The following TMEM74 variants were observed in gnomAD, a reference collection of about 807,000 sequenced individuals.
TMEM74 encodes transmembrane protein 74.
TMEM74 carries 13 observed loss-of-function variants against 18.1 expected under a neutral mutation model. The ratio of observed to expected loss-of-function variants is 0.72; its 90% CI spans 0.47 to 1.14. The LOEUF (loss-of-function observed/expected upper bound fraction) is 1.14. Among genes scored for constraint, TMEM74 ranks in the 50% most tolerant of loss-of-function variants. TMEM74 has a pLI of 0.00. For missense variants in TMEM74, 372 were observed against 375.9 expected, an observed-to-expected ratio of 0.99 and a Z score of 0.09; for synonymous variants, 159 against 146.6, an observed-to-expected ratio of 1.08 and a Z score of -0.61.
At chr8:108,697,605 C>G (rs1413782954) in intron 1 of TMEM74, among the ~76,000 whole-genome samples, 1 of 152,000 alleles carries the variant, frequency 6.6e-6, no homozygotes, top group Non-Finnish European at 1.5e-5. Context: ...TTTGTAGAGA[C>G]AGAGTCTCAT....
Position 108,780,609 on chromosome 8 carries a change from C to G in TMEM74, c.*3572G>C, listed in dbSNP as rs560576363. On this transcript the variant is annotated 3_prime_UTR_variant, in exon 2 of 2. Transcript: ENST00000297459. The stretch of plus-strand genomic sequence containing the variant: ...TGTGCCAGCACTGGTCCAATTGGGT[C>G]CCTAAAACAAATAAGTATGAGGGGG... Among the ~76,000 whole-genome samples the G allele has an allele frequency of 3.2e-4, 48 of 152,180 alleles. No individual in the cohort carries two copies. The highest frequency in any genetic ancestry group is 1.2e-4 in the Non-Finnish European group (8 of 68,002).
intron 1 of TMEM74, among the ~76,000 whole-genome samples, chr8:108,721,740 C>A (rs1329746723): frequency 1.3e-5 from 2 of 152,194 alleles, no homozygotes; most frequent in Admixed American, 1.3e-4. Flanking sequence ...TTATCTTGTT[C>A]ACCGCTGTAT....
intron 1 of TMEM74, among the ~76,000 whole-genome samples, chr8:108,772,709 G>C (rs7007200): frequency 0.26 from 39,073 of 151,764 alleles, 5,508 homozygotes; most frequent in Middle Eastern, 0.33. Flanking sequence ...TTTTGTGTTA[G>C]ATCTGGGTGG....
intron 2 of TMEM74, among the ~76,000 whole-genome samples, chr8:108,611,435 A>T (rs1326573497): frequency 6.6e-6 from 1 of 152,224 alleles, no homozygotes; most frequent in Non-Finnish European, 1.5e-5. Flanking sequence ...CATACTAATT[A>T]TTCATCACAA....
At chr8:108,777,707 C>G (rs2129655320), downstream of TMEM74, among the ~76,000 whole-genome samples, 1 of 152,272 alleles carries the variant, frequency 6.6e-6, no homozygotes, top group East Asian at 1.9e-4. Context: ...TAATTCTTTT[C>G]CTACCGCTTA....
Position 108,782,158 on chromosome 8 carries a change from A to G in TMEM74, c.*2023T>C, listed in dbSNP as rs896869374. ...CAGATCGTTTCCTTCTTGTTTCAAC[A>G]TCATCCAAAGTGGATCCTTAAGCAG... is the stretch of plus-strand genomic sequence containing the variant. On this transcript the variant is annotated 3_prime_UTR_variant, in exon 2 of 2. Coordinates refer to ENST00000297459, the MANE Select transcript of TMEM74 (RefSeq NM_153015.3). Among the ~76,000 whole-genome samples the G allele has an allele frequency of 1.3e-5, 2 of 152,266 alleles. No individual in the cohort carries two copies. The highest frequency in any genetic ancestry group is 3.9e-4 in the East Asian group (2 of 5,182).
chr8:108,659,254 A>AACACACACACACACACAAACACAC (rs6150751), intron 1 of TMEM74, among the ~76,000 whole-genome samples: 3,092 of 149,642 alleles, frequency 0.021, 44 homozygotes, highest in Middle Eastern at 0.044. Context: ...ATAGCCCACT[A>AACACACACACACACACAAACACAC]ACACACACAC....
intron 1 of TMEM74, among the ~76,000 whole-genome samples, chr8:108,713,132 T>G (rs1190597103): frequency 6.6e-6 from 1 of 152,210 alleles, no homozygotes; most frequent in African/African-American, 2.4e-5. Flanking sequence ...ACTCTAGATT[T>G]GAACATCTAT....
At chr8:108,764,209 C>G (rs1451136044) in intron 1 of TMEM74, among the ~76,000 whole-genome samples, 1 of 152,058 alleles carries the variant, frequency 6.6e-6, no homozygotes, top group African/African-American at 2.4e-5. Flanking sequence ...AATGGCATAC[C>G]AACTGCAAGC....
intron 1 of TMEM74, among the ~76,000 whole-genome samples, chr8:108,734,007 G>A (rs193057825): frequency 2.7e-4 from 41 of 152,322 alleles, no homozygotes; most frequent in Middle Eastern, 3.4e-3. Flanking sequence ...ACTGGATTAA[G>A]GGATATCAAG....
At chr8:108,688,436 C>G (rs940479843) in intron 1 of TMEM74, among the ~76,000 whole-genome samples, 2 of 152,170 alleles carry the variant, frequency 1.3e-5, no homozygotes, top group Admixed American at 6.5e-5. Flanking sequence ...CAATCATACT[C>G]CCAGGCAGCT....
At chr8:108,726,569 A>T (rs2130635452) in intron 1 of TMEM74, among the ~76,000 whole-genome samples, 1 of 152,314 alleles carries the variant, frequency 6.6e-6, no homozygotes, top group South Asian at 2.1e-4. Flanking sequence ...GTGTAAAAAC[A>T]TTGCACCTGT....
At chr8:108,710,907 C>T (rs1482341928) in intron 1 of TMEM74, among the ~76,000 whole-genome samples, 1 of 152,172 alleles carries the variant, frequency 6.6e-6, no homozygotes, top group East Asian at 1.9e-4. Flanking sequence ...AATGATGAGC[C>T]TTCCCATGTT....
At chr8:108,645,081 T>C (rs554296409) in intron 2 of TMEM74, among the ~76,000 whole-genome samples, 61 of 152,166 alleles carry the variant, frequency 4.0e-4, no homozygotes, top group African/African-American at 1.3e-3. Flanking sequence ...ATTTTCACAA[T>C]AGCAAAGACT....
chr8:108,715,062 T>G (rs1040250504), intron 1 of TMEM74, among the ~76,000 whole-genome samples: 1 of 152,240 alleles, frequency 6.6e-6, no homozygotes, highest in Non-Finnish European at 1.5e-5. Flanking sequence ...TGTCAAAAGC[T>G]ACAGAGCTGT....
intron 2 of TMEM74, among the ~76,000 whole-genome samples, chr8:108,654,118 A>T (rs1340708641): frequency 1.3e-5 from 2 of 152,204 alleles, no homozygotes; most frequent in East Asian, 3.9e-4. Flanking sequence ...TTATTTATTT[A>T]TTTTTTATTT....
chr8:108,740,874 C>T (rs1460235238), intron 1 of TMEM74, among the ~76,000 whole-genome samples: 1 of 152,136 alleles, frequency 6.6e-6, no homozygotes, highest in Non-Finnish European at 1.5e-5. Flanking sequence ...GCACCTAAAA[C>T]TATGTGCAAA....
At chr8:108,739,285 A>C (rs1171701690) in intron 1 of TMEM74, among the ~76,000 whole-genome samples, 1 of 152,238 alleles carries the variant, frequency 6.6e-6, no homozygotes, top group East Asian at 1.9e-4. Flanking sequence ...TGTGGGATTG[A>C]CTGAAGGAAG....
intron 1 of TMEM74, among the ~76,000 whole-genome samples, chr8:108,700,921 A>G (rs1237233145): frequency 6.9e-6 from 1 of 145,848 alleles, no homozygotes; most frequent in Non-Finnish European, 1.5e-5. Context: ...AGTATCTGGA[A>G]CAAGGATTAT....
Sources: allele counts gnomAD v4.1 joint callset (sites outside exome capture counted in the v4.1 genomes callset), GRCh38; gene constraint gnomAD v4.1.1; transcripts MANE v1.5; gene names NCBI Gene and HGNC (gene_info 2026-07-23, HGNC 2026-07-21).